The following KCTD3 variants were observed in gnomAD, a reference collection of about 807,000 sequenced individuals.
The protein encoded by KCTD3 is potassium channel tetramerization domain containing 3.
KCTD3 carries 41 observed loss-of-function variants against 85.8 expected under a neutral mutation model. The ratio of observed to expected loss-of-function variants is 0.48; its 90% confidence interval spans 0.37 to 0.62. The LOEUF is 0.62. Ranked by LOEUF, KCTD3 falls within the 20% of genes least tolerant of loss-of-function variation. The pLI is 0.00. For missense variants in KCTD3, 724 were observed against 989.9 expected (o/e 0.73, Z 3.60); for synonymous variants, 338 against 345.4 (o/e 0.98, Z 0.24).
chr1:215,577,646 T>G, intron 4 of KCTD3, 24 bp from the exon 5 acceptor site: 1 of 1,521,938 alleles, frequency 6.6e-7, no homozygotes, highest in African/African-American at 1.4e-5. Context: ...TGTTAGAGAA[T>G]TTACATCATT....
At chr1:215,592,368 T>TA (rs1301215276) in intron 9 of KCTD3, among the ~76,000 whole-genome samples, 1 of 152,210 alleles carries the variant, frequency 6.6e-6, no homozygotes, top group Non-Finnish European at 1.5e-5. Flanking sequence ...TTGTCCATTT[T>TA]TTTTTTTGTT....
intron 10 of KCTD3, among the ~76,000 whole-genome samples, chr1:215,598,322 C>G (rs907648686): frequency 2.0e-5 from 3 of 152,044 alleles, no homozygotes; most frequent in African/African-American, 7.2e-5. Context: ...AAGAGGAAAC[C>G]ATTAGAAATT....
At chr1:215,617,498 C>T (rs1325331738) in intron 15 of KCTD3, among the ~76,000 whole-genome samples, 2 of 152,048 alleles carry the variant, frequency 1.3e-5, no homozygotes, top group African/African-American at 2.4e-5. Flanking sequence ...TGAACCCCTC[C>T]ACCCCATTTG....
chr1:215,603,354 C>T (rs1654904800), intron 12 of KCTD3, among the ~76,000 whole-genome samples: 1 of 151,778 alleles, frequency 6.6e-6, no homozygotes, highest in Non-Finnish European at 1.5e-5. Context: ...CTAGAACAGC[C>T]AGTAAAGCTA....
At chr1:215,569,184 C>T (rs569747202) in intron 1 of KCTD3, among the ~76,000 whole-genome samples, 1 of 149,602 alleles carries the variant, frequency 6.7e-6, no homozygotes, top group African/African-American at 2.5e-5. Flanking sequence ...TGCAGTGGCG[C>T]GATCTCGGCT....
intron 13 of KCTD3, among the ~76,000 whole-genome samples, chr1:215,607,533 A>G (rs953913159): frequency 6.6e-6 from 1 of 152,032 alleles, no homozygotes; most frequent in African/African-American, 2.4e-5. Context: ...TCCTTAATGT[A>G]ACTATGAGTT....
rs1157267667 is a variant in KCTD3 at position 215,597,420 on chromosome 1, T to C, written c.933+1949T>C. Among the ~76,000 whole-genome samples, 7 of 152,186 alleles carry C rather than the reference T, an allele frequency of 4.6e-5. 1 individual carries two copies. In the South Asian group the frequency reaches 8.3e-4, roughly 18 times the overall value. On this transcript the variant is annotated intron_variant, in intron 10 of 17. Transcript: ENST00000259154. ...TTAGGCACTGCTTCCCAAGTTGATA[T>C]TTTAAATTTAGATTTATATTGGAAA...
rs1654858375 is a variant in KCTD3 at position 215,602,209 on chromosome 1, C to T, written c.1138+8C>T. On this transcript the variant is annotated splice_region_variant and intron_variant, in intron 12 of 17. Transcript: ENST00000259154. ...ACCTCACACCCAAAACAAGTTAGTA[C>T]ATGGCCAATTATATACATTCTTGAC... The T allele has an allele frequency of 1.5e-6, 2 of 1,331,552 alleles. No homozygotes were observed. The highest frequency in any genetic ancestry group is 1.3e-5 in the South Asian group (1 of 79,544). The allele number at this position is 1,331,552 out of a possible 1,614,324, so 82.5% of individuals were successfully genotyped here. A position where few individuals can be genotyped will look rare whatever the true frequency, so the allele number is the denominator to read the frequency against.
In KCTD3 at chr1:215,573,786, A is replaced by T. The variant is rs773699233; in HGVS notation, c.84A>T (p.Arg28Ser). 1 of 1,564,922 alleles carries T rather than the reference A, an allele frequency of 6.4e-7. No homozygotes were observed. The highest frequency in any genetic ancestry group is 8.7e-7 in the Non-Finnish European group (1 of 1,145,064). Reference sequence around the variant, plus strand: ...AATACCAGATGATTTTTAATTGCAGATTTAGTACCTCAAGACAAACTCTTA... The same window carrying T: ...AATACCAGATGATTTTTAATTGCAGTTTTAGTACCTCAAGACAAACTCTTA... The part of the protein sequence containing the change: ...EIVQLNVGGT[R>S]FSTSRQTLMW... Residue 28 changes from arginine (R) to serine (S), a missense_variant and splice_region_variant, in exon 2 of 18, where the codon AGA (arginine) becomes AGT (serine). Physicochemically the swap from Arg to Ser is moderately radical, Grantham distance 110. Transcript: ENST00000259154.
At chr1:215,590,711 C>G (rs1660176253) in intron 9 of KCTD3, among the ~76,000 whole-genome samples, 1 of 152,046 alleles carries the variant, frequency 6.6e-6, no homozygotes, top group Admixed American at 6.6e-5. Context: ...TTTGTTTCTT[C>G]TGCTAAGATT....
intron 4 of KCTD3, 43 bp downstream of exon 4, chr1:215,576,017 T>C: frequency 1.0e-6 from 1 of 978,454 alleles, no homozygotes; most frequent in East Asian, 2.6e-5. Flanking sequence ...TACTGATAAA[T>C]ATGTGTTTTT....
chr1:215,583,501 C>T (rs913170775), intron 8 of KCTD3, among the ~76,000 whole-genome samples: 19 of 152,182 alleles, frequency 1.2e-4, no homozygotes, highest in Non-Finnish European at 2.4e-4. Flanking sequence ...TTCTTTACTC[C>T]GTCCTGTTTT....
chr1:215,576,566 A>G (rs965887004), intron 4 of KCTD3, among the ~76,000 whole-genome samples: 1 of 151,876 alleles, frequency 6.6e-6, no homozygotes, highest in African/African-American at 2.4e-5. Flanking sequence ...TGTTAACACA[A>G]ATAGTTTCGA....
chr1:215,608,400 TTAA>T (rs1266686654), intron 14 of KCTD3, among the ~76,000 whole-genome samples: 2 of 151,988 alleles, frequency 1.3e-5, no homozygotes, highest in African/African-American at 4.8e-5. Context: ...TTTCCTCTTA[TTAA>T]TGTTTCATCA....
In KCTD3 at chr1:215,620,387, GA is replaced by G; in HGVS notation, c.2221del (p.Arg741GlyfsTer11). 2 of 1,612,988 alleles carry G rather than the reference GA, an allele frequency of 1.2e-6. No homozygotes were observed. The highest frequency in any genetic ancestry group is 1.7e-6 in the Non-Finnish European group (2 of 1,179,604). ...KIAEGFSESKKRSSEDENENK... is the reference protein window; with the variant it reads ...KIAEGFSESKXRSSEDENENK... The stretch of plus-strand genomic sequence containing the variant: ...TAGCTGAAGGTTTTTCAGAATCCAA[GA>G]AAAGGTCATCAGAAGATGAAAATGA... On this transcript the variant is annotated frameshift_variant, in exon 18 of 18. Transcript: ENST00000259154. LOFTEE classifies it low-confidence loss of function (END_TRUNC).
At chr1:215,613,180 G>A (rs1655296722) in intron 15 of KCTD3, among the ~76,000 whole-genome samples, 3 of 152,108 alleles carry the variant, frequency 2.0e-5, no homozygotes, top group Admixed American at 2.0e-4. Flanking sequence ...AATGAAAAAA[G>A]TAACTTTCCT....
At chr1:215,594,482 A>G (rs1221707742) in intron 9 of KCTD3, among the ~76,000 whole-genome samples, 1 of 152,122 alleles carries the variant, frequency 6.6e-6, no homozygotes, top group Non-Finnish European at 1.5e-5. Flanking sequence ...GCTTGCCCAT[A>G]TTCAGTCTCC....
At position 215,567,548 on chromosome 1, in the gene KCTD3, G is replaced by T. The variant is rs1659172641; in HGVS notation, c.-138G>T. 2.9e-6 allele frequency: 1 copy of T among 350,398 alleles called. No individual in the cohort carries two copies. Among genetic ancestry groups the T allele is most frequent in the East Asian group, 5.4e-5 (1 of 18,508 alleles). 21.7% of individuals were successfully genotyped at this position (350,398 alleles called of 1,614,324 possible). On this transcript the variant is annotated 5_prime_UTR_variant, in exon 1 of 18. Coordinates refer to ENST00000259154, the MANE Select transcript of KCTD3 (RefSeq NM_016121.5). ...CCCGGCCGCCGGGAAGGTGGGGGAA[G>T]CCCCGTGCACCCCCCGCCCTCCGGC...
intron 8 of KCTD3, among the ~76,000 whole-genome samples, chr1:215,583,953 A>C (rs578147513): frequency 6.6e-6 from 1 of 152,362 alleles, no homozygotes; most frequent in Non-Finnish European, 1.5e-5. Flanking sequence ...AGTATATTCT[A>C]CAATAACAAG....
Sources: gnomAD v4.1 joint callset for allele counts (sites outside exome capture counted in the v4.1 genomes callset) on GRCh38, gnomAD v4.1.1 for gene constraint, MANE v1.5 for transcripts, NCBI Gene and HGNC (gene_info 2026-07-23, HGNC 2026-07-21) for gene names.